Variants in ITGB5 observed in about 807,000 individuals in gnomAD.
ITGB5 encodes integrin beta-5.
A neutral mutation model predicts 84.8 loss-of-function variants in ITGB5; 38 were observed. The ratio of observed to expected loss-of-function variants is 0.45; its 90% CI spans 0.35 to 0.59. The LOEUF is 0.59. Ranked by LOEUF, ITGB5 falls within the 20% of genes least tolerant of loss-of-function variation. The probability of loss-of-function intolerance (pLI) is 0.01; values close to 1 mark genes in which losing one functional copy is unlikely to be tolerated. For synonymous variants in ITGB5, 393 were observed against 414.4 expected, an observed-to-expected ratio of 0.95 and a Z score of 0.63; for missense variants, 905 against 1,034.5, an observed-to-expected ratio of 0.87 and a Z score of 1.72.
At chr3:124,867,334 C>G (rs1444454648) in intron 2 of ITGB5, among the ~76,000 whole-genome samples, 1 of 152,226 alleles carries the variant, frequency 6.6e-6, no homozygotes, top group Non-Finnish European at 1.5e-5. Flanking sequence ...GGTCCTTCTC[C>G]CGGATTTCAC....
At chr3:124,814,892 G>C (rs932620948) in intron 8 of ITGB5, among the ~76,000 whole-genome samples, 3 of 152,060 alleles carry the variant, frequency 2.0e-5, no homozygotes, top group Admixed American at 2.0e-4. Flanking sequence ...CTGGGAATTC[G>C]TGCCAGGTTC....
At chr3:124,841,636 G>C (rs866152782) in intron 4 of ITGB5, 85 bp from the exon 5 acceptor site, 10 of 1,325,422 alleles carry the variant, frequency 7.5e-6, no homozygotes, top group Middle Eastern at 2.0e-4. Flanking sequence ...TGAGTGCCTT[G>C]AGAGGCACCA....
chr3:124,771,403 C>T (rs12494846), intron 11 of ITGB5, among the ~76,000 whole-genome samples: 25,065 of 152,016 alleles, frequency 0.16, 2,270 homozygotes, highest in Admixed American at 0.25. Context: ...AAAAAAAGTT[C>T]CACCTAGGCT....
intron 3 of ITGB5, among the ~76,000 whole-genome samples, chr3:124,856,430 T>C (rs1047654728): frequency 2.6e-5 from 4 of 152,198 alleles, no homozygotes; most frequent in Admixed American, 2.6e-4. Context: ...TTGAGAGCTA[T>C]TCTAGATGAG....
intron 1 of ITGB5, among the ~76,000 whole-genome samples, chr3:124,874,580 C>T (rs1427613685): frequency 6.6e-6 from 1 of 152,122 alleles, no homozygotes; most frequent in Non-Finnish European, 1.5e-5. Flanking sequence ...AAGATGGAGG[C>T]ATTGTGTTAC....
intron 1 of ITGB5, among the ~76,000 whole-genome samples, chr3:124,884,439 A>G (rs1934712979): frequency 6.6e-6 from 1 of 152,196 alleles, no homozygotes; most frequent in East Asian, 1.9e-4. Context: ...GGTGGCTCAC[A>G]CCTGTAATCC....
chr3:124,891,861 A>G (rs1579351817), upstream of ITGB5, among the ~76,000 whole-genome samples: 3 of 151,926 alleles, frequency 2.0e-5, no homozygotes, highest in African/African-American at 7.3e-5. Context: ...TGAGGCTGCC[A>G]TGAGCCATGA....
chr3:124,849,220 C>A (rs1467502768), intron 3 of ITGB5, among the ~76,000 whole-genome samples: 2 of 152,034 alleles, frequency 1.3e-5, no homozygotes, highest in African/African-American at 4.8e-5. Context: ...GGAGAGTAGC[C>A]CACCAACCAC....
intron 1 of ITGB5, among the ~76,000 whole-genome samples, chr3:124,898,872 T>C (rs534900227): frequency 6.6e-6 from 1 of 150,670 alleles, no homozygotes; most frequent in Non-Finnish European, 1.5e-5. Flanking sequence ...GGTCAGGAGT[T>C]CAAGACCAGC....
intron 8 of ITGB5, among the ~76,000 whole-genome samples, chr3:124,809,888 G>C (rs62265642): frequency 6.6e-6 from 1 of 152,188 alleles, no homozygotes; most frequent in Non-Finnish European, 1.5e-5. Flanking sequence ...AGAGCAACTA[G>C]GGCTCCCCAA....
At chr3:124,870,215 T>C (rs1366422790) in intron 2 of ITGB5, among the ~76,000 whole-genome samples, 1 of 152,220 alleles carries the variant, frequency 6.6e-6, no homozygotes, top group Non-Finnish European at 1.5e-5. Context: ...ACAGTTTAGT[T>C]TCTCAAGGAG....
intron 10 of ITGB5, among the ~76,000 whole-genome samples, chr3:124,775,320 G>GTGTATGTGTGTTGGAGTACAAGTGTGAA (rs1553753811): frequency 6.6e-6 from 1 of 152,142 alleles, no homozygotes; most frequent in Non-Finnish European, 1.5e-5. Context: ...ACAAGTGTGA[G>GTGTATGTGTGTTGGAGTACAAGTGTGAA]TGTATGTGTG....
intron 10 of ITGB5, among the ~76,000 whole-genome samples, chr3:124,789,200 C>T (rs2064122429): frequency 6.6e-6 from 1 of 152,222 alleles, no homozygotes. Context: ...GTGAAAATTA[C>T]ATTACTAAAG....
chr3:124,788,252 G>C (rs540867878), intron 10 of ITGB5, among the ~76,000 whole-genome samples: 92 of 152,284 alleles, frequency 6.0e-4, no homozygotes, highest in Non-Finnish European at 9.3e-4. Context: ...GCCCCTGCAA[G>C]GAGCTTTATA....
At chr3:124,884,564 G>A (rs1278619181) in intron 1 of ITGB5, among the ~76,000 whole-genome samples, 20 of 152,138 alleles carry the variant, frequency 1.3e-4, no homozygotes, top group Admixed American at 1.2e-3. Flanking sequence ...GCCAGGCGTG[G>A]TGGTACATGC....
intron 1 of ITGB5, among the ~76,000 whole-genome samples, chr3:124,881,322 C>T (rs1934560898): frequency 6.6e-6 from 1 of 152,024 alleles, no homozygotes; most frequent in Admixed American, 6.6e-5. Context: ...CCATTAAAAT[C>T]CTGGGGTGAG....
chr3:124,790,461 C>T (rs1370212791), intron 10 of ITGB5, among the ~76,000 whole-genome samples: 3 of 143,528 alleles, frequency 2.1e-5, no homozygotes, highest in East Asian at 2.1e-4. Context: ...TTATCAGAAC[C>T]GCCTTTGACT....
At chr3:124,831,037 G>A (rs1264259573) in intron 5 of ITGB5, among the ~76,000 whole-genome samples, 1 of 152,060 alleles carries the variant, frequency 6.6e-6, no homozygotes, top group East Asian at 1.9e-4. Flanking sequence ...CCTTACATTG[G>A]ACTCCAACCT....
intron 10 of ITGB5, among the ~76,000 whole-genome samples, chr3:124,795,496 A>T (rs2064209595): frequency 6.6e-6 from 1 of 152,010 alleles, no homozygotes; most frequent in Non-Finnish European, 1.5e-5. Context: ...CTCAGAAAAA[A>T]AAAAAAGAGG....
Sources: allele counts gnomAD v4.1 joint callset (sites outside exome capture counted in the v4.1 genomes callset), GRCh38; gene constraint gnomAD v4.1.1; transcripts MANE v1.5; gene names NCBI Gene and HGNC (gene_info 2026-07-23, HGNC 2026-07-21).